The following DNAH11 variants were observed in gnomAD, a reference collection of about 807,000 sequenced individuals.
DNAH11 encodes the protein axonemal beta dynein heavy chain 11.
DNAH11 carries 442 observed loss-of-function variants against 526.0 expected under a neutral mutation model. The observed-to-expected ratio is 0.84, with a 90% CI of 0.78 to 0.91. The LOEUF (loss-of-function observed/expected upper bound fraction) is 0.91, where lower values mean the gene tolerates loss of function less well. Ranked by LOEUF, DNAH11 falls within the 40% of genes least tolerant of loss-of-function variation. The pLI, the probability that DNAH11 is intolerant of heterozygous loss-of-function variation, is 0.00. For missense variants in DNAH11, 6,989 were observed against 5,448.7 expected (o/e 1.28, Z -8.90); for synonymous variants, 2,461 against 1,935.9 (o/e 1.27, Z -7.12).
chr7:21,895,756 G>A (rs1784489340), intron 79 of DNAH11, among the ~76,000 whole-genome samples: 1 of 152,116 alleles, frequency 6.6e-6, no homozygotes, highest in Non-Finnish European at 1.5e-5. Flanking sequence ...TTGAGACAGA[G>A]TCTCACTCTC....
At chr7:21,782,739 C>T (rs563059736) in intron 57 of DNAH11, among the ~76,000 whole-genome samples, 4 of 151,832 alleles carry the variant, frequency 2.6e-5, no homozygotes, top group African/African-American at 9.7e-5. Flanking sequence ...TGGTGAAGCC[C>T]CTGTACTAAA....
rs936836242 is a variant in DNAH11, at chr7:21,570,476, A to G, written c.1425+177A>G. On this transcript the variant is annotated intron_variant, in intron 7 of 81. Transcript: ENST00000409508. Reference sequence around the variant, plus strand: ...ATGATGATACAAGGGCATTTTTTAAATCTTTAATTTGGATTTTTTAAAAGT... The same window carrying G: ...ATGATGATACAAGGGCATTTTTTAAGTCTTTAATTTGGATTTTTTAAAAGT... 1.6e-5 allele frequency: 8 copies of G among 492,316 alleles called. 1 individual carries two copies. The highest frequency in any genetic ancestry group is 1.2e-4 in the African/African-American group (6 of 50,256). 30.5% of individuals were successfully genotyped at this position (492,316 alleles called of 1,614,324 possible).
At chr7:21,885,279 A>C (rs1339925048) in intron 76 of DNAH11, among the ~76,000 whole-genome samples, 1 of 149,776 alleles carries the variant, frequency 6.7e-6, no homozygotes, top group African/African-American at 2.4e-5. Flanking sequence ...ATAATAAAGT[A>C]ATATAGTTAT....
intron 66 of DNAH11, among the ~76,000 whole-genome samples, chr7:21,850,082 C>G (rs879653530): frequency 9.9e-5 from 15 of 151,630 alleles, no homozygotes; most frequent in Non-Finnish European, 2.1e-4. Context: ...TTCAGCCGGG[C>G]ACGGTGGCTC....
chr7:21,556,919 G>A (rs550270642), intron 2 of DNAH11, among the ~76,000 whole-genome samples: 1 of 151,994 alleles, frequency 6.6e-6, no homozygotes, highest in Non-Finnish European at 1.5e-5. Context: ...AAACTAGCTG[G>A]GCATGGTGGC....
At chr7:21,883,350 GCAAAGAGAGGCTT>G (rs1311024573) in intron 75 of DNAH11, among the ~76,000 whole-genome samples, 1 of 152,204 alleles carries the variant, frequency 6.6e-6, no homozygotes, top group Non-Finnish European at 1.5e-5. Flanking sequence ...CTAAAGTATA[GCAAAGAGAGGCTT>G]CAAACCCTGC....
At chr7:21,808,306 T>C (rs1231865323) in intron 63 of DNAH11, among the ~76,000 whole-genome samples, 2 of 152,330 alleles carry the variant, frequency 1.3e-5, no homozygotes, top group Non-Finnish European at 2.9e-5. Context: ...GATAGTTTGA[T>C]ACCTGTATAC....
chr7:21,821,431 G>A (rs1790044874), intron 65 of DNAH11, among the ~76,000 whole-genome samples: 2 of 152,148 alleles, frequency 1.3e-5, no homozygotes, highest in African/African-American at 4.8e-5. Flanking sequence ...AAAACAGAGG[G>A]TACCCTGTCT....
chr7:21,571,782 G>A, intron 7 of DNAH11, 24 bp from the exon 8 acceptor site: 8 of 1,589,272 alleles, frequency 5.0e-6, no homozygotes, highest in South Asian at 1.2e-5. Flanking sequence ...TAGTGGAAAG[G>A]TCTTTACTGT....
In DNAH11 at chr7:21,787,873, TATTTA is replaced by T. The variant is rs1788261255; in HGVS notation, c.9924+294_9924+298del. ...TGAATTTTACTTATTTACATTTAAATATTTAATTCATGTTGACTTGAAACAACTGC... is the reference window on the plus strand; with the variant it reads ...TGAATTTTACTTATTTACATTTAAATATTCATGTTGACTTGAAACAACTGC... On this transcript the variant is annotated intron_variant, in intron 60 of 81. Transcript: ENST00000409508. Among the ~76,000 whole-genome samples, 2 of 152,230 alleles carry T rather than the reference TATTTA, an allele frequency of 1.3e-5. 1 individual carries two copies. Among genetic ancestry groups the T allele is most frequent in the South Asian group, 4.1e-4 (2 of 4,830 alleles).
At chr7:21,822,343 G>C (rs1362134045) in intron 65 of DNAH11, among the ~76,000 whole-genome samples, 3 of 152,122 alleles carry the variant, frequency 2.0e-5, no homozygotes, top group East Asian at 3.9e-4. Context: ...GAGGAGCCAG[G>C]CTCTTTTAAA....
Position 21,615,279 on chromosome 7 carries a change from T to A in DNAH11, c.4011+7T>A, listed in dbSNP as rs1785717281. ...TGTCATTATTTATGTTCGAGTAAGA[T>A]GTGCTTTTTCAAAACATGCTTTTTA... On this transcript the variant is annotated splice_region_variant and intron_variant, in intron 21 of 81. Coordinates refer to ENST00000409508, the MANE Select transcript of DNAH11 (RefSeq NM_001277115.2). The A allele has an allele frequency of 1.2e-6, 2 of 1,608,534 alleles. No homozygotes were observed. Among genetic ancestry groups the A allele is most frequent in the Non-Finnish European group, 1.7e-6 (2 of 1,177,118 alleles).
chr7:21,650,860 G>T (rs1287640100), intron 28 of DNAH11, among the ~76,000 whole-genome samples: 1 of 150,932 alleles, frequency 6.6e-6, no homozygotes, highest in Non-Finnish European at 1.5e-5. Context: ...GGCTGGTCTC[G>T]AACTCCTGAC....
intron 25 of DNAH11, among the ~76,000 whole-genome samples, chr7:21,624,615 CCTTAT>C (rs980044745): frequency 6.6e-6 from 1 of 152,118 alleles, no homozygotes; most frequent in African/African-American, 2.4e-5. Flanking sequence ...GAGTGGGCAT[CCTTAT>C]CTTTTTCCTG....
intron 32 of DNAH11, among the ~76,000 whole-genome samples, chr7:21,686,584 G>A (rs372040212): frequency 6.6e-6 from 1 of 152,024 alleles, no homozygotes; most frequent in Admixed American, 6.6e-5. Flanking sequence ...ACAGTAAATT[G>A]CCCTTTTATA....
At chr7:21,724,496 G>T (rs1207068778) in intron 44 of DNAH11, among the ~76,000 whole-genome samples, 2 of 152,240 alleles carry the variant, frequency 1.3e-5, no homozygotes, top group African/African-American at 4.8e-5. Flanking sequence ...AGATAGAAAT[G>T]AGATTGCTGA....
chr7:21,633,795 G>T (rs116653150), intron 25 of DNAH11, among the ~76,000 whole-genome samples: 3,939 of 152,266 alleles, frequency 0.026, 155 homozygotes, highest in African/African-American at 0.09. Flanking sequence ...CTCATGCTGA[G>T]ACTTGAAGGG....
intron 25 of DNAH11, among the ~76,000 whole-genome samples, chr7:21,625,362 A>T (rs1178022061): frequency 6.6e-6 from 1 of 151,736 alleles, no homozygotes; most frequent in Non-Finnish European, 1.5e-5. Context: ...AGTTGTAATA[A>T]CTCTTCTTTC....
At chr7:21,793,595 G>A (rs1788569221) in intron 61 of DNAH11, among the ~76,000 whole-genome samples, 1 of 144,786 alleles carries the variant, frequency 6.9e-6, no homozygotes, top group Admixed American at 7.1e-5. Flanking sequence ...CAGCCTGGAT[G>A]ACAGAGTGAG....
Sources: gnomAD v4.1 joint callset for allele counts (sites outside exome capture counted in the v4.1 genomes callset) on GRCh38, gnomAD v4.1.1 for gene constraint, MANE v1.5 for transcripts, NCBI Gene and HGNC (gene_info 2026-07-23, HGNC 2026-07-21) for gene names.